NLGN1: variants seen among roughly 807,000 people sequenced by gnomAD.
The protein encoded by NLGN1 is neuroligin-1.
NLGN1 carries 12 observed loss-of-function variants against 65.5 expected under a neutral mutation model. The observed-to-expected ratio is 0.18, with a 90% confidence interval of 0.12 to 0.30. The LOEUF (loss-of-function observed/expected upper bound fraction) is 0.30, where lower values mean the gene tolerates loss of function less well. Ranked by LOEUF, NLGN1 falls within the 10% of genes least tolerant of loss-of-function variation. The pLI is 1.00. For missense variants in NLGN1, 750 were observed against 1,007.1 expected (o/e 0.74, Z 3.46); for synonymous variants, 350 against 359.5 (o/e 0.97, Z 0.30).
At chr3:173,725,797 C>T (rs114353793) in intron 3 of NLGN1, among the ~76,000 whole-genome samples, 2,135 of 152,210 alleles carry the variant, frequency 0.014, 45 homozygotes, top group African/African-American at 0.047. Flanking sequence ...CCACTTCAAA[C>T]TGCCTCAGGT....
chr3:174,127,711 A>T (rs1719254945), intron 4 of NLGN1, among the ~76,000 whole-genome samples: 1 of 152,166 alleles, frequency 6.6e-6, no homozygotes, highest in Non-Finnish European at 1.5e-5. Context: ...TGAGTGTAAT[A>T]ACAGCTGGCA....
At chr3:173,539,775 CACAT>C (rs1348622261) in intron 2 of NLGN1, among the ~76,000 whole-genome samples, 1 of 111,004 alleles carries the variant, frequency 9.0e-6, no homozygotes, top group South Asian at 2.9e-4. Context: ...ACATATATAA[CACAT>C]ATATATGTAC....
intron 3 of NLGN1, among the ~76,000 whole-genome samples, chr3:173,742,040 A>G (rs933599719): frequency 3.3e-5 from 5 of 152,108 alleles, no homozygotes; most frequent in Non-Finnish European, 7.4e-5. Context: ...CAGAAATGTC[A>G]GTTCATTCTG....
intron 3 of NLGN1, among the ~76,000 whole-genome samples, chr3:173,748,946 T>A (rs1390862016): frequency 6.6e-6 from 1 of 152,092 alleles, no homozygotes; most frequent in African/African-American, 2.4e-5. Flanking sequence ...AGTGGTCTTA[T>A]GATTTCAAAG....
intron 4 of NLGN1, among the ~76,000 whole-genome samples, chr3:173,906,874 AAAAC>A (rs1738512075): frequency 6.7e-6 from 1 of 149,766 alleles, no homozygotes; most frequent in African/African-American, 2.5e-5. Context: ...CAAACAAACA[AAAAC>A]AAAAAAAAAA....
chr3:174,131,880 A>G (rs1007121203), intron 4 of NLGN1, among the ~76,000 whole-genome samples: 7 of 152,312 alleles, frequency 4.6e-5, no homozygotes, highest in Non-Finnish European at 8.8e-5. Context: ...AGGCACTAGA[A>G]TATAAAATCT....
intron 3 of NLGN1, among the ~76,000 whole-genome samples, chr3:173,788,942 A>T (rs1013210928): frequency 2.0e-5 from 3 of 151,684 alleles, no homozygotes; most frequent in African/African-American, 7.3e-5. Context: ...TCACGCCTGT[A>T]ATCCCAGCAC....
chr3:173,751,533 C>T (rs1251516167), intron 3 of NLGN1, among the ~76,000 whole-genome samples: 1 of 152,046 alleles, frequency 6.6e-6, no homozygotes, highest in Non-Finnish European at 1.5e-5. Flanking sequence ...CCAACTCACT[C>T]AAACAGGCCT....
At chr3:174,052,212 G>A (rs961512237) in intron 4 of NLGN1, among the ~76,000 whole-genome samples, 4 of 152,096 alleles carry the variant, frequency 2.6e-5, no homozygotes, top group South Asian at 2.1e-4. Flanking sequence ...AATCTGGGGG[G>A]AAAGGCAGGG....
chr3:174,078,540 A>T (rs892947594), intron 4 of NLGN1, among the ~76,000 whole-genome samples: 32 of 152,144 alleles, frequency 2.1e-4, no homozygotes, highest in Non-Finnish European at 3.2e-4. Flanking sequence ...TAGACATTTT[A>T]AAAAAAAGAA....
chr3:173,530,767 A>G (rs1470967280), intron 2 of NLGN1, among the ~76,000 whole-genome samples: 1 of 152,112 alleles, frequency 6.6e-6, no homozygotes, highest in Non-Finnish European at 1.5e-5. Flanking sequence ...AATTCTGAAA[A>G]CAGAGTTTAA....
intron 4 of NLGN1, among the ~76,000 whole-genome samples, chr3:174,193,910 T>C (rs1732865011): frequency 6.6e-6 from 1 of 152,196 alleles, no homozygotes; most frequent in Admixed American, 6.5e-5. Flanking sequence ...TTACAAATTT[T>C]ATTTTTAAAA....
chr3:174,025,517 T>C (rs1255943196), intron 4 of NLGN1, among the ~76,000 whole-genome samples: 2 of 152,066 alleles, frequency 1.3e-5, no homozygotes, highest in African/African-American at 4.8e-5. Flanking sequence ...CCAACAACAA[T>C]AATTTTTAGG....
intron 3 of NLGN1, among the ~76,000 whole-genome samples, chr3:173,748,763 G>T (rs1775899939): frequency 6.6e-6 from 1 of 152,164 alleles, no homozygotes; most frequent in Non-Finnish European, 1.5e-5. Context: ...CAGTTTGGAA[G>T]ATTTGCATCT....
At chr3:174,290,727 T>C (rs887441472), downstream of NLGN1, among the ~76,000 whole-genome samples, 2 of 151,116 alleles carry the variant, frequency 1.3e-5, no homozygotes, top group East Asian at 3.9e-4. Context: ...AAAGGACAAA[T>C]TCACAAGGAA....
At chr3:173,462,864 T>C (rs1723636157) in intron 2 of NLGN1, among the ~76,000 whole-genome samples, 1 of 152,206 alleles carries the variant, frequency 6.6e-6, no homozygotes, top group Admixed American at 6.6e-5. Flanking sequence ...AAAAGGTGTT[T>C]TATATTCTGC....
chr3:173,591,955 TG>T (rs78428132), intron 2 of NLGN1, among the ~76,000 whole-genome samples: 9,991 of 152,308 alleles, frequency 0.066, 435 homozygotes, highest in African/African-American at 0.11. Context: ...TCTACCAGGC[TG>T]TCTCTTCTGA....
At chr3:173,642,828 CA>C (rs946986060) in intron 3 of NLGN1, among the ~76,000 whole-genome samples, 5 of 151,636 alleles carry the variant, frequency 3.3e-5, no homozygotes, top group African/African-American at 9.7e-5. Flanking sequence ...GCAAAGTATG[CA>C]AAAAAAGTAC....
chr3:174,287,625 T>C (rs1049448414), downstream of NLGN1, among the ~76,000 whole-genome samples: 1 of 151,568 alleles, frequency 6.6e-6, no homozygotes, highest in Non-Finnish European at 1.5e-5. Flanking sequence ...AATGGAATGC[T>C]ATAATTTGAA....
Sources: allele counts gnomAD v4.1 joint callset (sites outside exome capture counted in the v4.1 genomes callset), GRCh38; gene constraint gnomAD v4.1.1; transcripts MANE v1.5; gene names NCBI Gene and HGNC (gene_info 2026-07-23, HGNC 2026-07-21).